Variants in SLC22A15 observed in about 807,000 individuals in gnomAD.
SLC22A15 encodes flipt 1.
In SLC22A15, 45 loss-of-function variants were observed where a neutral mutation model predicts 62.7. The ratio of observed to expected loss-of-function variants is 0.72; its 90% CI spans 0.56 to 0.92. SLC22A15 has a LOEUF of 0.92. SLC22A15 is among the 40% of genes least tolerant of loss of function. The pLI, the probability that SLC22A15 is intolerant of heterozygous loss-of-function variation, is 0.00. For synonymous variants in SLC22A15, 264 were observed against 267.0 expected (o/e 0.99, Z 0.11); for missense variants, 622 against 665.6 (o/e 0.93, Z 0.72).
Position 116,062,670 on chromosome 1 carries a change from T to C in SLC22A15, c.1172-92T>C. 1.1e-5 allele frequency: 17 copies of C among 1,484,690 alleles called. 1 individual carries two copies. In the South Asian group the frequency reaches 2.0e-4, roughly 18 times the overall value. 92.0% of individuals were successfully genotyped at this position (1,484,690 alleles called of 1,614,324 possible). A position where few individuals can be genotyped will look rare whatever the true frequency, so the allele number is the denominator to read the frequency against. On this transcript the variant is annotated intron_variant, in intron 8 of 11. Transcript: ENST00000369503. ...ATCTCTTTGCTCTTTGAGATCAACATGAATGCCACCTGCTCCATCAAAATG... is the reference window on the plus strand; with the variant it reads ...ATCTCTTTGCTCTTTGAGATCAACACGAATGCCACCTGCTCCATCAAAATG...
intron 2 of SLC22A15, 134 bp from the exon 3 acceptor site, chr1:116,019,448 A>C (rs1656707119): frequency 1.2e-6 from 1 of 842,178 alleles, no homozygotes; most frequent in Admixed American, 3.1e-5. Context: ...TGAGATAGAC[A>C]AATTCTACTG....
intron 1 of SLC22A15, among the ~76,000 whole-genome samples, chr1:115,982,767 G>A (rs1434877781): frequency 6.6e-6 from 1 of 152,134 alleles, no homozygotes; most frequent in Non-Finnish European, 1.5e-5. Flanking sequence ...ATAAAATAGA[G>A]GTTAGCTGGT....
chr1:116,041,634 A>C (rs144423480), intron 8 of SLC22A15, among the ~76,000 whole-genome samples: 94 of 152,358 alleles, frequency 6.2e-4, no homozygotes, highest in African/African-American at 2.2e-3. Context: ...TAGCATTCTT[A>C]CTAAATTGAA....
chr1:116,010,886 T>C (rs1025394342), intron 2 of SLC22A15, among the ~76,000 whole-genome samples: 1 of 152,192 alleles, frequency 6.6e-6, no homozygotes, highest in Non-Finnish European at 1.5e-5. Context: ...CATCAAAGCA[T>C]GACCTCCAGC....
intron 8 of SLC22A15, 90 bp downstream of exon 8, chr1:116,037,478 T>G (rs1570759663): frequency 8.7e-6 from 8 of 921,828 alleles, no homozygotes; most frequent in South Asian, 1.4e-5. Context: ...TATGGCATGC[T>G]TCATTTCTGT....
chr1:115,976,803 GGGCCGA>G, intron 1 of SLC22A15, 89 bp downstream of exon 1: 1 of 1,054,304 alleles, frequency 9.5e-7, no homozygotes, highest in Non-Finnish European at 1.4e-6. Context: ...GCCGGGGCCG[GGGCCGA>G]GGCCGAGGCT....
At chr1:116,054,748 A>T (rs984046954) in intron 8 of SLC22A15, among the ~76,000 whole-genome samples, 3 of 152,268 alleles carry the variant, frequency 2.0e-5, no homozygotes, top group Middle Eastern at 3.4e-3. Flanking sequence ...GGATTAAGAA[A>T]CTCACTCAAA....
chr1:116,061,436 A>T (rs1169831616), intron 8 of SLC22A15, among the ~76,000 whole-genome samples: 1 of 152,164 alleles, frequency 6.6e-6, no homozygotes, highest in African/African-American at 2.4e-5. Context: ...ACATTTGGTG[A>T]TGAGGACATT....
rs1656804612 is a variant in SLC22A15, at chr1:116,020,950, GTT to G, written c.598+67_598+68del. The G allele has an allele frequency of 3.5e-6, 5 of 1,430,680 alleles. No individual in the cohort carries two copies. The South Asian group carries it at 5.6e-5, about 16-fold the overall frequency. The allele number at this position is 1,430,680 out of a possible 1,614,324, so 88.6% of individuals were successfully genotyped here. On this transcript the variant is annotated intron_variant, in intron 4 of 11. Transcript: ENST00000369503. ...CTCCAGAAAATTTTATAGGGACCCA[GTT>G]TAATCCTAGAGTCTGGAAATGCATT...
chr1:116,045,335 C>T lies in SLC22A15; in HGVS notation c.1171+7947C>T, dbSNP rs563781250. Among the ~76,000 whole-genome samples the T allele has an allele frequency of 6.6e-5, 10 of 152,096 alleles. No individual in the cohort carries two copies. In the East Asian group the frequency reaches 1.9e-3, roughly 30 times the overall value. ...GTGCTGGGATTACAGGTGTGAGCCA[C>T]CACGCCTGGCCAATACTAAAATTTT... On this transcript the variant is annotated intron_variant, in intron 8 of 11. Coordinates refer to ENST00000369503, the MANE Select transcript of SLC22A15 (RefSeq NM_018420.3).
At chr1:116,035,144 C>T (rs368282725) in intron 6 of SLC22A15, 43 bp from the exon 7 acceptor site, 45 of 1,586,588 alleles carry the variant, frequency 2.8e-5, no homozygotes, top group Non-Finnish European at 2.6e-6. Context: ...TTCTGTTGTC[C>T]TTCTTGTCTT....
intron 2 of SLC22A15, among the ~76,000 whole-genome samples, chr1:116,010,816 A>G (rs1208512095): frequency 6.6e-6 from 1 of 152,156 alleles, no homozygotes; most frequent in Non-Finnish European, 1.5e-5. Flanking sequence ...CGCAGCCTTG[A>G]AATACTGACA....
In SLC22A15 at chr1:116,020,935, T is replaced by TGC. The variant is rs760619195; in HGVS notation, c.598+50_598+51insGC. 2.7e-6 allele frequency: 4 copies of TGC among 1,502,804 alleles called. No homozygotes were observed. In the South Asian group the frequency reaches 5.2e-5, roughly 20 times the overall value. 93.1% of individuals were successfully genotyped at this position (1,502,804 alleles called of 1,614,324 possible). The stretch of plus-strand genomic sequence containing the variant: ...GGACTGGGTGAGCAGCTCCAGAAAA[T>TGC]TTTATAGGGACCCAGTTTAATCCTA... On this transcript the variant is annotated intron_variant, in intron 4 of 11. Coordinates refer to ENST00000369503, the MANE Select transcript of SLC22A15 (RefSeq NM_018420.3).
At chr1:116,028,623 C>T (rs1216512803) in intron 5 of SLC22A15, among the ~76,000 whole-genome samples, 1 of 144,860 alleles carries the variant, frequency 6.9e-6, no homozygotes, top group Non-Finnish European at 1.5e-5. Context: ...GAGTTCAGGT[C>T]GTGAAAAATA....
At chr1:116,049,788 T>A (rs1040815004) in intron 8 of SLC22A15, among the ~76,000 whole-genome samples, 1 of 151,326 alleles carries the variant, frequency 6.6e-6, no homozygotes, top group East Asian at 1.9e-4. Flanking sequence ...CAAACAAATA[T>A]GAAAGATAAA....
intron 2 of SLC22A15, among the ~76,000 whole-genome samples, chr1:116,009,302 C>T (rs1011106895): frequency 6.6e-6 from 1 of 151,866 alleles, no homozygotes; most frequent in African/African-American, 2.4e-5. Flanking sequence ...GTGCTCCCGT[C>T]CCACCGTTCA....
At chr1:115,999,487 A>T (rs1215761362) in intron 2 of SLC22A15, among the ~76,000 whole-genome samples, 1 of 146,728 alleles carries the variant, frequency 6.8e-6, no homozygotes, top group Admixed American at 7.0e-5. Flanking sequence ...TGTTGGGTGC[A>T]TATATATTTT....
At chr1:116,031,322 G>A (rs1196919847) in intron 5 of SLC22A15, 44 bp from the exon 6 acceptor site, 5 of 1,440,946 alleles carry the variant, frequency 3.5e-6, no homozygotes, top group South Asian at 1.2e-5. Flanking sequence ...TCCTGTGCAC[G>A]TGTACCTATA....
At chr1:116,031,316 G>C (rs1310352761) in intron 5 of SLC22A15, 50 bp from the exon 6 acceptor site, 6 of 1,395,884 alleles carry the variant, frequency 4.3e-6, no homozygotes, top group Middle Eastern at 2.4e-4. Context: ...TCTCCTTCCT[G>C]TGCACGTGTA....
Sources: allele counts gnomAD v4.1 joint callset (sites outside exome capture counted in the v4.1 genomes callset), GRCh38; gene constraint gnomAD v4.1.1; transcripts MANE v1.5; gene names NCBI Gene and HGNC (gene_info 2026-07-23, HGNC 2026-07-21).